Variants in EFCAB13 observed in about 807,000 individuals in gnomAD.
EFCAB13 encodes the protein EF-hand calcium binding domain 13, also known as EF-hand calcium-binding domain-containing protein 13.
Under a neutral mutation model 110.2 loss-of-function variants are expected in EFCAB13, and 91 were observed. The observed-to-expected ratio is 0.83, with a 90% CI of 0.70 to 0.98. EFCAB13 has a LOEUF of 0.98. Ranked by LOEUF, EFCAB13 falls within the 50% of genes least tolerant of loss-of-function variation. The pLI is 0.00. For missense variants in EFCAB13, 968 were observed against 1,119.4 expected (o/e 0.86, Z 1.93); for synonymous variants, 323 against 369.9 (o/e 0.87, Z 1.45).
At chr17:47,388,613 T>C (rs757574774) in intron 14 of EFCAB13, among the ~76,000 whole-genome samples, 20 of 152,190 alleles carry the variant, frequency 1.3e-4, no homozygotes, top group Non-Finnish European at 2.2e-4. Flanking sequence ...AATAAATCTA[T>C]ATTATATTGT....
rs560033804 is a variant in EFCAB13 at position 47,397,746 on chromosome 17, G to A, written c.1945+1769G>A. On this transcript the variant is annotated intron_variant, in intron 17 of 24. Coordinates refer to ENST00000331493, the MANE Select transcript of EFCAB13 (RefSeq NM_152347.5). ...AGGAGCGTCTCTGCCCGGCCGCCCC[G>A]TCTGAGAAGTGAGGAGACCCTCCGC... Among the ~76,000 whole-genome samples the A allele has an allele frequency of 9.9e-4, 148 of 149,914 alleles. 1 individual carries two copies. Among genetic ancestry groups the A allele is most frequent in the African/African-American group, 3.6e-3 (145 of 40,582 alleles).
chr17:47,403,826 T>A, intron 18 of EFCAB13, 52 bp from the exon 19 acceptor site: 1 of 1,507,656 alleles, frequency 6.6e-7, no homozygotes, highest in Non-Finnish European at 9.0e-7. Flanking sequence ...CTAACAAATG[T>A]CTTGAGTGAT....
intron 6 of EFCAB13, among the ~76,000 whole-genome samples, chr17:47,342,491 A>T (rs2065391434): frequency 6.6e-6 from 1 of 152,184 alleles, no homozygotes; most frequent in Admixed American, 6.5e-5. Flanking sequence ...ACTTGATTAC[A>T]TCTGCAAATA....
chr17:47,384,856 G>A (rs960140645), intron 14 of EFCAB13, among the ~76,000 whole-genome samples: 2 of 151,614 alleles, frequency 1.3e-5, no homozygotes, highest in Non-Finnish European at 2.9e-5. Flanking sequence ...TGCAAGCTCC[G>A]CCTCCTGGGT....
At chr17:47,325,923 A>ATATATATATATAT (rs2065280385) in intron 2 of EFCAB13, among the ~76,000 whole-genome samples, 3 of 102,552 alleles carry the variant, frequency 2.9e-5, no homozygotes, top group African/African-American at 1.2e-4. Flanking sequence ...ATATAAACAA[A>ATATATATATATAT]ATATATATAT....
At chr17:47,327,385 G>A (rs1598713730) in intron 3 of EFCAB13, among the ~76,000 whole-genome samples, 1 of 151,886 alleles carries the variant, frequency 6.6e-6, no homozygotes. Context: ...GGCTGGTCTT[G>A]AACTCCTGAC....
intron 16 of EFCAB13, among the ~76,000 whole-genome samples, chr17:47,395,161 A>C (rs1045626855): frequency 2.0e-5 from 3 of 152,254 alleles, no homozygotes; most frequent in Non-Finnish European, 4.4e-5. Flanking sequence ...TGTTGCACCT[A>C]TCTGGCAAAA....
At chr17:47,432,223 C>G (rs556629640) in intron 24 of EFCAB13, among the ~76,000 whole-genome samples, 19 of 152,028 alleles carry the variant, frequency 1.2e-4, no homozygotes, top group Admixed American at 1.2e-3. Context: ...ACAGTGAAAC[C>G]CCGTCCCTAC....
chr17:47,355,560 G>A (rs1018711471), intron 9 of EFCAB13, among the ~76,000 whole-genome samples: 7 of 150,858 alleles, frequency 4.6e-5, no homozygotes, highest in African/African-American at 1.5e-4. Flanking sequence ...ACTTCCTGGA[G>A]GCTTTGTTCA....
intron 10 of EFCAB13, among the ~76,000 whole-genome samples, chr17:47,364,553 C>T (rs1290200331): frequency 1.3e-5 from 2 of 152,104 alleles, no homozygotes; most frequent in Non-Finnish European, 2.9e-5. Flanking sequence ...CCTTCTGATC[C>T]ACCTGCCTTG....
At chr17:47,385,180 T>C (rs1170787519) in intron 14 of EFCAB13, among the ~76,000 whole-genome samples, 3 of 152,172 alleles carry the variant, frequency 2.0e-5, no homozygotes, top group Non-Finnish European at 4.4e-5. Flanking sequence ...TGAATTTGAA[T>C]GTTGCCCTGT....
In EFCAB13 at chr17:47,409,637, A is replaced by T. The variant is rs1314215292; in HGVS notation, c.2234-10A>T. 6.2e-7 allele frequency: 1 copy of T among 1,607,310 alleles called. No homozygotes were observed. Among genetic ancestry groups the T allele is most frequent in the South Asian group, 1.1e-5 (1 of 90,862 alleles). On this transcript the variant is annotated splice_polypyrimidine_tract_variant and intron_variant, in intron 20 of 24. Coordinates refer to ENST00000331493, the MANE Select transcript of EFCAB13 (RefSeq NM_152347.5). ...TCCTCATTGTGTAATGTCTCTCTCT[A>T]AATTTGCAGATTTCAGGAAAGAGGC...
intron 10 of EFCAB13, among the ~76,000 whole-genome samples, chr17:47,367,495 G>A (rs1283869193): frequency 6.6e-6 from 1 of 152,238 alleles, no homozygotes; most frequent in Non-Finnish European, 1.5e-5. Context: ...GACGTAGGAC[G>A]CCGGCAGAGA....
intron 22 of EFCAB13, among the ~76,000 whole-genome samples, chr17:47,414,400 A>G (rs1327562291): frequency 6.6e-6 from 1 of 151,238 alleles, no homozygotes; most frequent in Non-Finnish European, 1.5e-5. Context: ...TTTAATTTCC[A>G]TTTGCTTTCA....
At chr17:47,341,478 T>C (rs1466587552) in intron 5 of EFCAB13, 1 of 152,742 alleles carries the variant, frequency 6.5e-6, no homozygotes, top group East Asian at 1.9e-4. Flanking sequence ...TGCCTCAGCC[T>C]CCTGAGTAGC....
intron 12 of EFCAB13, 80 bp downstream of exon 12, chr17:47,375,046 G>T: frequency 7.2e-7 from 1 of 1,394,732 alleles, no homozygotes; most frequent in Admixed American, 2.7e-5. Context: ...ATAGTTGTAA[G>T]CATTTCAATT....
intron 4 of EFCAB13, 90 bp downstream of exon 4, chr17:47,328,473 T>C: frequency 9.6e-7 from 1 of 1,042,102 alleles, no homozygotes; most frequent in East Asian, 2.4e-5. Context: ...AGTAAGCAAA[T>C]TCATAGAGTA....
intron 9 of EFCAB13, among the ~76,000 whole-genome samples, chr17:47,349,456 T>C (rs116887591): frequency 2.1e-3 from 322 of 152,306 alleles, no homozygotes; most frequent in Non-Finnish European, 3.2e-3. Flanking sequence ...ACTAGTCCCA[T>C]AGCATTCTTA....
At chr17:47,383,364 G>A (rs1280446294) in intron 14 of EFCAB13, among the ~76,000 whole-genome samples, 1 of 152,022 alleles carries the variant, frequency 6.6e-6, no homozygotes, top group Non-Finnish European at 1.5e-5. Context: ...TCTTTTAATT[G>A]TGATGTTAGG....
Sources: gnomAD v4.1 joint callset for allele counts (sites outside exome capture counted in the v4.1 genomes callset) on GRCh38, gnomAD v4.1.1 for gene constraint, MANE v1.5 for transcripts, NCBI Gene and HGNC (gene_info 2026-07-23, HGNC 2026-07-21) for gene names.